The following DNAH5 variants were observed in gnomAD, a reference collection of about 807,000 sequenced individuals.
DNAH5 encodes the protein dynein axonemal heavy chain 5.
A neutral mutation model predicts 518.2 loss-of-function variants in DNAH5; 372 were observed. The observed-to-expected ratio is 0.72, with a 90% CI of 0.66 to 0.78. The LOEUF (loss-of-function observed/expected upper bound fraction) is 0.78, where lower values mean the gene tolerates loss of function less well. DNAH5 is among the 30% of genes least tolerant of loss of function. The pLI is 0.00. For synonymous variants in DNAH5, 2,039 were observed against 2,025.9 expected (o/e 1.01, Z -0.17); for missense variants, 5,523 against 5,687.0 (o/e 0.97, Z 0.93).
In DNAH5 at chr5:13,916,471, A is replaced by C. The variant is rs758750925; in HGVS notation, c.1090-16T>G. 1.3e-5 allele frequency: 19 copies of C among 1,414,430 alleles called. No individual in the cohort carries two copies. Among genetic ancestry groups the C allele is most frequent in the Non-Finnish European group, 1.9e-5 (19 of 1,002,710 alleles). 87.6% of individuals were successfully genotyped at this position (1,414,430 alleles called of 1,614,324 possible). ...TCATGGATAGCTGAAAGATATCACC[A>C]AAGTTTTCAGAAAAAATCATCAAAT... On this transcript the variant is annotated splice_polypyrimidine_tract_variant and intron_variant, in intron 8 of 78. Transcript: ENST00000265104.
At chr5:13,997,944 A>G (rs747469482) in intron 1 of DNAH5, among the ~76,000 whole-genome samples, 11 of 151,834 alleles carry the variant, frequency 7.2e-5, no homozygotes, top group Admixed American at 2.0e-4. Context: ...CCCAGGTTCA[A>G]GCAATTCTCC....
chr5:13,717,811 C>T (rs969908569), intron 72 of DNAH5, among the ~76,000 whole-genome samples: 2 of 151,990 alleles, frequency 1.3e-5, no homozygotes, highest in Non-Finnish European at 2.9e-5. Context: ...GGAAGGGTAA[C>T]GACAGTTAAA....
At chr5:13,939,343 C>T (rs915683926) in intron 1 of DNAH5, among the ~76,000 whole-genome samples, 6 of 152,190 alleles carry the variant, frequency 3.9e-5, no homozygotes, top group African/African-American at 1.4e-4. Flanking sequence ...GTGCCTGGAA[C>T]ATAAGTGACT....
At chr5:13,891,802 T>C (rs921741688) in intron 16 of DNAH5, among the ~76,000 whole-genome samples, 2 of 152,224 alleles carry the variant, frequency 1.3e-5, no homozygotes, top group Non-Finnish European at 2.9e-5. Context: ...ATTTTTTTAG[T>C]TGTGCTGAAG....
At chr5:13,798,736 TTTATTTTATTTA>T (rs562185684) in intron 47 of DNAH5, among the ~76,000 whole-genome samples, 2,988 of 108,240 alleles carry the variant, frequency 0.028, 71 homozygotes, top group African/African-American at 0.057. Flanking sequence ...CATGATTTTA[TTTATTTTATTTA>T]TTTATTTATT....
chr5:13,950,989 A>G (rs953338194), intron 1 of DNAH5, among the ~76,000 whole-genome samples: 11 of 152,192 alleles, frequency 7.2e-5, no homozygotes, highest in African/African-American at 2.2e-4. Context: ...TACAACCACA[A>G]TTAATTAGAG....
intron 32 of DNAH5, 48 bp from the exon 33 acceptor site, chr5:13,841,952 A>G (rs1203289928): frequency 8.2e-7 from 1 of 1,225,526 alleles, no homozygotes; most frequent in African/African-American, 1.5e-5. Context: ...TAGTCATATA[A>G]AAAGTAAAAA....
chr5:13,768,258 A>C (rs972344003), intron 58 of DNAH5, among the ~76,000 whole-genome samples: 2 of 152,214 alleles, frequency 1.3e-5, no homozygotes, highest in Admixed American at 1.3e-4. Flanking sequence ...ATGGTGAGTG[A>C]GTTCTCAGGA....
At chr5:13,821,944 A>G (rs1312067269) in intron 40 of DNAH5, among the ~76,000 whole-genome samples, 1 of 151,956 alleles carries the variant, frequency 6.6e-6, no homozygotes, top group African/African-American at 2.4e-5. Flanking sequence ...ATAGACATGC[A>G]CCACTGCACC....
rs1752492328 is a variant in DNAH5 at position 13,766,161 on chromosome 5, T to C, written c.9916A>G (p.Ile3306Val). ...AALQTIRPSD[I>V]ATVRTLGRPP... is the part of the protein sequence containing the mutation. The stretch of plus-strand genomic sequence containing the variant: ...CGGCCCAACGTGCGAACAGTGGCGA[T>C]GTCCGAAGGCCTGATGGTCTGGGGG... Residue 3306 changes from isoleucine (I) to valine (V), a missense_variant, in exon 59 of 79, where the codon ATC (isoleucine) becomes GTC (valine). Coordinates refer to ENST00000265104, the MANE Select transcript of DNAH5 (RefSeq NM_001369.3). 1 of 1,614,200 alleles carries C rather than the reference T, an allele frequency of 6.2e-7. No homozygotes were observed. The highest frequency in any genetic ancestry group is 8.5e-7 in the Non-Finnish European group (1 of 1,179,998).
In DNAH5 at chr5:13,810,072, A is replaced by G. The variant is rs920106420; in HGVS notation, c.7596T>C (p.Tyr2532=). The G allele has an allele frequency of 7.7e-6, 12 of 1,552,632 alleles. No homozygotes were observed. The highest frequency in any genetic ancestry group is 1.0e-5 in the Non-Finnish European group (12 of 1,148,464). Reference sequence around the variant, plus strand: ...AGGTGTCCTCACCATCGGGCGCCACATAGTAGTCGAAGGCGGTGTCCCCGG... The same window carrying G: ...AGGTGTCCTCACCATCGGGCGCCACGTAGTAGTCGAAGGCGGTGTCCCCGG... ...AGPGDTAFDY[Y]VAPDGTWTHW... is the part of the protein sequence containing the mutation. The change falls in exon 45 of 79, where the codon TAT becomes TAC. Residue 2532 remains tyrosine (Y), a synonymous_variant. Transcript: ENST00000265104.
intron 75 of DNAH5, among the ~76,000 whole-genome samples, chr5:13,712,286 G>A (rs560375737): frequency 1.3e-5 from 2 of 152,198 alleles, no homozygotes; most frequent in South Asian, 2.1e-4. Flanking sequence ...AATAAAACTG[G>A]ACCCTCATCT....
chr5:13,992,536 T>C (rs1265711326), intron 1 of DNAH5, among the ~76,000 whole-genome samples: 3 of 152,248 alleles, frequency 2.0e-5, no homozygotes, highest in African/African-American at 4.8e-5. Context: ...TGCTAGGCCC[T>C]GTTTTATTTC....
intron 55 of DNAH5, among the ~76,000 whole-genome samples, chr5:13,774,389 T>C (rs1753780691): frequency 6.6e-6 from 1 of 152,064 alleles, no homozygotes; most frequent in Non-Finnish European, 1.5e-5. Context: ...CATTTTCAGT[T>C]TAAGAAACTT....
At chr5:13,902,161 G>A (rs756842190) in intron 12 of DNAH5, 23 bp from the exon 13 acceptor site, 1 of 1,528,180 alleles carries the variant, frequency 6.5e-7, no homozygotes, top group Non-Finnish European at 9.0e-7. Flanking sequence ...AAAATCTGAT[G>A]ATGAACAATA....
intron 17 of DNAH5, among the ~76,000 whole-genome samples, chr5:13,888,567 G>T (rs990499965): frequency 6.6e-6 from 1 of 152,172 alleles, no homozygotes; most frequent in Non-Finnish European, 1.5e-5. Context: ...CAAGAGAAAT[G>T]ATTTACTAAT....
At chr5:13,936,598 C>T (rs138424141) in intron 1 of DNAH5, among the ~76,000 whole-genome samples, 232 of 152,258 alleles carry the variant, frequency 1.5e-3, no homozygotes, top group African/African-American at 5.2e-3. Context: ...ATAAAAGTCC[C>T]AACTTGAAAG....
In DNAH5 at chr5:13,882,958, G is replaced by A. The variant is rs2151938511; in HGVS notation, c.3120C>T (p.Cys1040=). Residue 1040 remains cysteine (C), a synonymous_variant, in exon 20 of 79, where the codon TGC becomes TGT. Coordinates refer to ENST00000265104, the MANE Select transcript of DNAH5 (RefSeq NM_001369.3). The part of the protein sequence containing the change: ...VQQTLNKAVE[C]IISVPKGVRQ... The stretch of plus-strand genomic sequence containing the variant: ...TGACCCCCTTAGGGACACTGATGAT[G>A]CACTCCACGGCTTTGTTCAGGGTCT... The A allele has an allele frequency of 1.2e-6, 2 of 1,614,160 alleles. No individual in the cohort carries two copies. Among genetic ancestry groups the A allele is most frequent in the South Asian group, 1.1e-5 (1 of 91,084 alleles).
intron 1 of DNAH5, among the ~76,000 whole-genome samples, chr5:13,961,836 C>T (rs339436): frequency 6.6e-6 from 1 of 151,900 alleles, no homozygotes; most frequent in Non-Finnish European, 1.5e-5. Flanking sequence ...CTTCGAGAAG[C>T]CTGCCTTGAT....
Sources: allele counts gnomAD v4.1 joint callset (sites outside exome capture counted in the v4.1 genomes callset), GRCh38; gene constraint gnomAD v4.1.1; transcripts MANE v1.5; gene names NCBI Gene and HGNC (gene_info 2026-07-23, HGNC 2026-07-21).